Variants in CCDC149 observed in about 807,000 individuals in gnomAD.
CCDC149 encodes the protein coiled-coil domain containing 149, also known as coiled-coil domain-containing protein 149.
CCDC149 carries 45 observed loss-of-function variants against 59.9 expected under a neutral mutation model. The ratio of observed to expected loss-of-function variants is 0.75; its 90% CI spans 0.59 to 0.96. The LOEUF is 0.96. CCDC149 is among the 40% of genes least tolerant of loss of function. The pLI is 0.00. For missense variants in CCDC149, 584 were observed against 664.7 expected, an observed-to-expected ratio of 0.88 and a Z score of 1.33; for synonymous variants, 245 against 260.6, an observed-to-expected ratio of 0.94 and a Z score of 0.58.
chr4:24,874,250 TTTTTTTTTTG>T (rs1279823380), intron 2 of CCDC149, among the ~76,000 whole-genome samples: 8 of 82,600 alleles, frequency 9.7e-5, no homozygotes, highest in Admixed American at 7.0e-4. Flanking sequence ...ATTTGTTTTT[TTTTTTTTTTG>T]TTTTGTTTTT....
At chr4:24,938,974 CACAG>C (rs1448984508) in intron 1 of CCDC149, among the ~76,000 whole-genome samples, 1 of 152,218 alleles carries the variant, frequency 6.6e-6, no homozygotes, top group Admixed American at 6.5e-5. Context: ...GGGGGCAGGG[CACAG>C]ACAAACAAAA....
intron 1 of CCDC149, among the ~76,000 whole-genome samples, chr4:24,879,394 G>A (rs1719688993): frequency 1.3e-5 from 2 of 152,052 alleles, no homozygotes; most frequent in Non-Finnish European, 2.9e-5. Context: ...GCATGTGCCT[G>A]TAGTCCCAGC....
intron 1 of CCDC149, among the ~76,000 whole-genome samples, chr4:24,952,476 C>A (rs1041433689): frequency 3.3e-5 from 5 of 150,036 alleles, no homozygotes; most frequent in African/African-American, 4.9e-5. Context: ...CCTGTAATCC[C>A]AGCTATTCAG....
At chr4:24,833,026 G>A (rs1716257193) in intron 8 of CCDC149, among the ~76,000 whole-genome samples, 1 of 152,028 alleles carries the variant, frequency 6.6e-6, no homozygotes. Context: ...CTACCCTAGG[G>A]TCACTCAGGT....
rs536271850 is a variant in CCDC149 at position 24,872,609 on chromosome 4, T to C, written c.264+1072A>G. ...AATGGTATGTACCCACTGAACAGTA[T>C]GCACCCAGAAAACAGTATGACCCAC... On this transcript the variant is annotated intron_variant, in intron 3 of 12. Transcript: ENST00000635206. Among the ~76,000 whole-genome samples the C allele has an allele frequency of 2.0e-3, 309 of 150,928 alleles. 3 individuals are homozygous for C. Among genetic ancestry groups the C allele is most frequent in the African/African-American group, 6.9e-3 (282 of 40,898 alleles).
chr4:24,838,632 A>G (rs1233695008), intron 4 of CCDC149, among the ~76,000 whole-genome samples: 1 of 152,160 alleles, frequency 6.6e-6, no homozygotes, highest in African/African-American at 2.4e-5. Context: ...ACTCGTAACA[A>G]TGAGGTGACA....
chr4:24,827,221 G>A (rs1055794553), intron 9 of CCDC149: 5 of 152,236 alleles, frequency 3.3e-5, no homozygotes, highest in African/African-American at 1.2e-4. Flanking sequence ...ATACCAGAGT[G>A]AAGGTCTTTA....
chr4:24,872,752 GGCACCCACAGAATGGTAT>G lies in CCDC149; in HGVS notation c.264+911_264+928del, dbSNP rs1217875657. Among the ~76,000 whole-genome samples, 71 of 123,910 alleles carry G rather than the reference GGCACCCACAGAATGGTAT, an allele frequency of 5.7e-4. 1 individual carries two copies. Among genetic ancestry groups the G allele is most frequent in the South Asian group, 1.1e-3 (4 of 3,748 alleles). The allele number at this position is 123,910 out of a possible 152,430, so 81.3% of individuals were successfully genotyped here. On this transcript the variant is annotated intron_variant, in intron 3 of 12. Coordinates refer to ENST00000635206, the MANE Select transcript of CCDC149 (RefSeq NM_001330643.2). ...AATGGTAAGCACCCACAGAACAGCA[GGCACCCACAGAATGGTAT>G]GCACCCACAGAATGGTATGCACCCA...
rs751115199 is a variant in CCDC149, at chr4:24,931,837, A to ATGTATATATATATATATG, written c.-64-36720_-64-36719insCATATATATATATATACA. Among the ~76,000 whole-genome samples the ATGTATATATATATATATG allele has an allele frequency of 2.3e-4, 23 of 100,602 alleles. 1 individual carries two copies. Among genetic ancestry groups the ATGTATATATATATATATG allele is most frequent in the African/African-American group, 8.3e-4 (23 of 27,810 alleles). The allele number at this position is 100,602 out of a possible 152,430, so 66.0% of individuals were successfully genotyped here. ...TATTGTATGGAGAGTATGTATATATATATATATATATATATGCATAATCCA... is the reference window on the plus strand; with the variant it reads ...TATTGTATGGAGAGTATGTATATATATGTATATATATATATATGTATATATATATATATGCATAATCCA... On this transcript the variant is annotated intron_variant, in intron 1 of 12. Coordinates refer to the CCDC149 transcript ENST00000389609.
chr4:24,808,710 G>A lies in CCDC149; in HGVS notation c.1302C>T (p.Arg434=), dbSNP rs61995677. ...GATGAAAGAGCTTGCATTGGTTCCC[G>A]CGGCTCTGATTTGCTGGGGAGTTGA... The change falls in exon 13 of 13, where the codon CGC becomes CGT. Residue 434 remains arginine (R), a synonymous_variant. Coordinates refer to ENST00000635206, the MANE Select transcript of CCDC149 (RefSeq NM_001330643.2). The A allele has an allele frequency of 5.4e-4, 837 of 1,552,276 alleles. 5 individuals are homozygous for A. The African/African-American group carries it at 0.01, about 19-fold the overall frequency.
At chr4:24,958,133 G>A (rs1723521452) in intron 1 of CCDC149, among the ~76,000 whole-genome samples, 1 of 152,178 alleles carries the variant, frequency 6.6e-6, no homozygotes, top group Admixed American at 6.5e-5. Context: ...AATGGCATAG[G>A]TTCTTTCTCA....
At chr4:24,913,474 T>C (rs1441445086), upstream of CCDC149, among the ~76,000 whole-genome samples, 1 of 152,290 alleles carries the variant, frequency 6.6e-6, no homozygotes, top group African/African-American at 2.4e-5. Context: ...CACGTTTTAT[T>C]ATATACTTAG....
intron 1 of CCDC149, among the ~76,000 whole-genome samples, chr4:24,901,126 T>C (rs555976212): frequency 3.5e-4 from 53 of 152,320 alleles, no homozygotes; most frequent in African/African-American, 1.3e-3. Context: ...ATTAGGATGT[T>C]TGTTGCAATA....
intron 1 of CCDC149, among the ~76,000 whole-genome samples, chr4:24,941,959 C>A (rs12186178): frequency 0.4 from 61,300 of 151,884 alleles, 14,706 homozygotes; most frequent in Non-Finnish European, 0.54. Flanking sequence ...CCGAATTCTA[C>A]CAGAGGTACA....
chr4:24,808,937 C>CT, intron 12 of CCDC149, 118 bp from the exon 13 acceptor site: 6 of 985,500 alleles, frequency 6.1e-6, no homozygotes, highest in South Asian at 5.2e-5. Flanking sequence ...AGGAGCAAGA[C>CT]TTTTTTGGCT....
chr4:24,950,235 C>T (rs939149639), intron 1 of CCDC149, among the ~76,000 whole-genome samples: 7 of 152,158 alleles, frequency 4.6e-5, no homozygotes, highest in African/African-American at 1.4e-4. Context: ...AGCCAAACTG[C>T]CCAGGGCTGA....
chr4:24,966,690 G>C (rs538900576), intron 1 of CCDC149, among the ~76,000 whole-genome samples: 1 of 152,378 alleles, frequency 6.6e-6, no homozygotes, highest in East Asian at 1.9e-4. Flanking sequence ...TGTGGAGACA[G>C]TTGTCTCTGG....
Position 24,837,500 on chromosome 4 carries a change from T to C in CCDC149, c.490-100A>G. The C allele has an allele frequency of 8.9e-7, 1 of 1,118,660 alleles. No individual in the cohort carries two copies. The highest frequency in any genetic ancestry group is 1.3e-6 in the Non-Finnish European group (1 of 765,726). 69.3% of individuals were successfully genotyped at this position (1,118,660 alleles called of 1,614,324 possible). On this transcript the variant is annotated intron_variant, in intron 5 of 12. Transcript: ENST00000635206. This position sits in a 1 kb window ranked among gnomAD's most constrained non-coding sequence, Gnocchi z 4.3. ...ACTTGGTTGACTGATTTTTAGAGAG[T>C]TTATTAACACTACCCGCATGCCCTA...
At chr4:24,915,637 G>A (rs989458327), upstream of CCDC149, among the ~76,000 whole-genome samples, 2 of 152,160 alleles carry the variant, frequency 1.3e-5, no homozygotes, top group Non-Finnish European at 2.9e-5. Context: ...AAATCAAAGT[G>A]TGGCAAGCCT....
Sources: gnomAD v4.1 joint callset for allele counts (sites outside exome capture counted in the v4.1 genomes callset) on GRCh38, gnomAD v4.1.1 for gene constraint, Gnocchi (gnomAD v3.1) non-coding constraint, MANE v1.5 for transcripts, NCBI Gene and HGNC (gene_info 2026-07-23, HGNC 2026-07-21) for gene names.